STK3: variants seen among roughly 807,000 people sequenced by gnomAD.
STK3 encodes serine/threonine-protein kinase 3.
In STK3, 41 loss-of-function variants were observed where a neutral mutation model predicts 58.0. The observed-to-expected ratio is 0.71, with a 90% CI of 0.55 to 0.92. The LOEUF (loss-of-function observed/expected upper bound fraction) is 0.92, where lower values mean the gene tolerates loss of function less well. Among genes scored for constraint, STK3 ranks in the 40% least tolerant of loss-of-function variants. STK3 has a pLI of 0.00. For missense variants in STK3, 479 were observed against 602.7 expected (o/e 0.79, Z 2.15); for synonymous variants, 170 against 191.0 (o/e 0.89, Z 0.91).
intron 6 of STK3, among the ~76,000 whole-genome samples, chr8:98,701,107 C>T (rs926879629): frequency 3.5e-5 from 5 of 144,656 alleles, no homozygotes; most frequent in African/African-American, 1.3e-4. Flanking sequence ...AGGTTGAGGG[C>T]TGCAGTGAGC....
chr8:98,890,571 T>C (rs1490971860), intron 1 of STK3, among the ~76,000 whole-genome samples: 1 of 152,008 alleles, frequency 6.6e-6, no homozygotes, highest in Non-Finnish European at 1.5e-5. Flanking sequence ...TTAAGAAAAA[T>C]TGTCTAGGCT....
chr8:98,677,343 G>A (rs1021286417), intron 6 of STK3, among the ~76,000 whole-genome samples: 5 of 60,838 alleles, frequency 8.2e-5, no homozygotes, highest in Admixed American at 1.6e-4. Flanking sequence ...CCCACCCCCC[G>A]CCCCCACCGC....
At chr8:98,513,802 G>C (rs1030599746) in intron 10 of STK3, among the ~76,000 whole-genome samples, 2 of 152,158 alleles carry the variant, frequency 1.3e-5, no homozygotes, top group Admixed American at 1.3e-4. Context: ...CAGGACTGGG[G>C]AAGAAGCAAG....
chr8:98,904,712 TA>T, intron 1 of STK3: 1 of 808,748 alleles, frequency 1.2e-6, no homozygotes, highest in Non-Finnish European at 2.0e-6. Flanking sequence ...CTCTGGCCCA[TA>T]ACCGTAGCCC....
At chr8:98,665,461 A>G (rs1359991117) in intron 6 of STK3, among the ~76,000 whole-genome samples, 1 of 152,114 alleles carries the variant, frequency 6.6e-6, no homozygotes, top group Admixed American at 6.5e-5. Context: ...CAGTGGCACA[A>G]TCATGACTCA....
At chr8:98,554,188 G>C (rs1199897180) in intron 8 of STK3, among the ~76,000 whole-genome samples, 1 of 152,020 alleles carries the variant, frequency 6.6e-6, no homozygotes, top group Non-Finnish European at 1.5e-5. Flanking sequence ...TCATACTACA[G>C]GTTTGCAAGA....
intron 1 of STK3, among the ~76,000 whole-genome samples, chr8:98,924,635 T>C (rs958741143): frequency 1.3e-5 from 2 of 152,196 alleles, no homozygotes; most frequent in South Asian, 2.1e-4. Context: ...GAAGTGGGTT[T>C]ATATTTGAGA....
At chr8:98,799,329 G>A (rs1052991193) in intron 1 of STK3, among the ~76,000 whole-genome samples, 4 of 151,946 alleles carry the variant, frequency 2.6e-5, no homozygotes, top group African/African-American at 4.8e-5. Flanking sequence ...ATAAGCTGCT[G>A]GCAGAGGCAG....
chr8:98,742,926 T>C (rs1430662428), intron 4 of STK3, among the ~76,000 whole-genome samples: 2 of 152,090 alleles, frequency 1.3e-5, no homozygotes, highest in East Asian at 1.9e-4. Flanking sequence ...AGCATTCTTA[T>C]ACACCAATAA....
rs777808763 is a variant in STK3 at position 98,428,783 on chromosome 8, C to T, written n.483+5344G>A. On this transcript the variant is annotated intron_variant and non_coding_transcript_variant, in intron 3 of 3. Coordinates refer to the STK3 transcript ENST00000517832. The surrounding 1 kb of genome is among the most constrained non-coding windows in gnomAD (Gnocchi z 6.7). Reference sequence around the variant, plus strand: ...TAAACCTTATTGACCTCATGTCCATCGTCCCCTTTTACATCACTCTGGTGG... The same window carrying T: ...TAAACCTTATTGACCTCATGTCCATTGTCCCCTTTTACATCACTCTGGTGG... 1.6e-5 allele frequency: 26 copies of T among 1,614,112 alleles called. No individual in the cohort carries two copies. The highest frequency in any genetic ancestry group is 2.2e-5 in the East Asian group (1 of 44,894).
Position 98,800,485 on chromosome 8 carries a change from C to T in STK3, c.26+25030G>A, listed in dbSNP as rs1833460475. ...TCCTCGGCCTCGGTGTCCACTCTGGCCACGCTTGAGGAGCCCTTCAGCCTG... is the reference window on the plus strand; with the variant it reads ...TCCTCGGCCTCGGTGTCCACTCTGGTCACGCTTGAGGAGCCCTTCAGCCTG... On this transcript the variant is annotated intron_variant, in intron 1 of 10. Transcript: ENST00000419617. This position sits in a 1 kb window ranked among gnomAD's most constrained non-coding sequence, Gnocchi z 4.8. 6.6e-6 allele frequency among the ~76,000 whole-genome samples: 1 copy of T among 152,356 alleles called. No homozygotes were observed. Among genetic ancestry groups the T allele is most frequent in the Non-Finnish European group, 1.5e-5 (1 of 68,036 alleles).
intron 10 of STK3, chr8:98,526,403 G>A (rs1427827619): frequency 6.3e-6 from 1 of 158,396 alleles, no homozygotes; most frequent in African/African-American, 2.4e-5. Flanking sequence ...TTTGGCAACT[G>A]AGTTTACTGA....
chr8:98,572,446 GTA>G (rs1301491316), intron 8 of STK3, among the ~76,000 whole-genome samples: 1 of 152,132 alleles, frequency 6.6e-6, no homozygotes, highest in South Asian at 2.1e-4. Flanking sequence ...CAAGAGATGT[GTA>G]GTCTATGATA....
the STK3 span, among the ~76,000 whole-genome samples, chr8:98,360,618 T>C: frequency 7.9e-5 from 12 of 152,294 alleles, no homozygotes; most frequent in East Asian, 2.1e-3. Context: ...CATTGTCAGA[T>C]ACATTTGGCC....
In STK3 at chr8:98,706,539, G is replaced by T. The variant is rs1262074313; in HGVS notation, c.612C>A (p.Ile204=). ...QEIGYNCVAD[I]WSLGITSIEM... is the part of the protein sequence containing the mutation. The stretch of plus-strand genomic sequence containing the variant: ...CTATAGAAGTAATGCCAAGGGACCA[G>T]ATGTCGGCCACACAGTTATAGCCTA... Residue 204 remains isoleucine, a synonymous_variant, in exon 6 of 11, where the codon ATC becomes ATA. Transcript: ENST00000419617. 8 of 1,613,816 alleles carry T rather than the reference G, an allele frequency of 5.0e-6. No individual in the cohort carries two copies. The highest frequency in any genetic ancestry group is 6.8e-6 in the Non-Finnish European group (8 of 1,179,908).
intron 3 of STK3, among the ~76,000 whole-genome samples, chr8:98,857,962 T>C: frequency 6.6e-6 from 1 of 152,152 alleles, no homozygotes; most frequent in South Asian, 2.1e-4. Flanking sequence ...AATATTTAAC[T>C]GGGTGTTGAA....
intron 8 of STK3, among the ~76,000 whole-genome samples, chr8:98,562,115 T>C (rs1034615025): frequency 2.0e-5 from 3 of 152,196 alleles, no homozygotes; most frequent in East Asian, 1.9e-4. Context: ...AGTTTCTTAC[T>C]AAGCTGAACA....
intron 4 of STK3, among the ~76,000 whole-genome samples, chr8:98,717,824 G>A (rs1827127778): frequency 6.6e-6 from 1 of 152,188 alleles, no homozygotes; most frequent in Non-Finnish European, 1.5e-5. Context: ...AAATGAATAA[G>A]TAAAATGTGG....
chr8:98,455,987 C>T lies in STK3; in HGVS notation c.1331G>A (p.Ser444Asn), dbSNP rs1481303387. 6.2e-7 allele frequency: 1 copy of T among 1,608,052 alleles called. No individual in the cohort carries two copies. Among genetic ancestry groups the T allele is most frequent in the Non-Finnish European group, 8.5e-7 (1 of 1,177,172 alleles). ...DGDFDFLKNL[S>N]LEELQMRLKA... ...TAACCGCATCTGTAGTTCTTCTAAA[C>T]TTAGATTTTTCAACTAGATACAGAA... Residue 444 changes from serine to asparagine, a missense_variant, in exon 11 of 11, where the codon AGT becomes AAT. By Grantham distance (46) the Ser-to-Asn change is conservative (BLOSUM62 1). This residue lies in a region of STK3 where 309 missense variants were observed against 355.7 expected (regional missense o/e 0.87). Coordinates refer to ENST00000419617, the MANE Select transcript of STK3 (RefSeq NM_006281.4).
Sources: gnomAD v4.1 joint callset for allele counts (sites outside exome capture counted in the v4.1 genomes callset) on GRCh38, gnomAD v4.1.1 for gene constraint, gnomAD v4.1.1 regional missense constraint, Gnocchi (gnomAD v3.1) non-coding constraint, MANE v1.5 for transcripts, NCBI Gene and HGNC (gene_info 2026-07-23, HGNC 2026-07-21) for gene names.